CD3E: variants seen among roughly 807,000 people sequenced by gnomAD.
CD3E encodes the protein CD3 epsilon subunit of T-cell receptor complex.
Under a neutral mutation model 34.7 loss-of-function variants are expected in CD3E, and 16 were observed. The observed-to-expected ratio is 0.46, with a 90% CI of 0.31 to 0.70. The LOEUF is 0.70. CD3E is among the 30% of genes least tolerant of loss of function. The probability of loss-of-function intolerance (pLI) is 0.05; values close to 1 mark genes in which losing one functional copy is unlikely to be tolerated. For missense variants in CD3E, 223 were observed against 253.9 expected (o/e 0.88, Z 0.83); for synonymous variants, 70 against 90.8 (o/e 0.77, Z 1.30).
At chr11:118,311,514 C>T (rs1345194595) in intron 4 of CD3E, among the ~76,000 whole-genome samples, 1 of 152,114 alleles carries the variant, frequency 6.6e-6, no homozygotes, top group Non-Finnish European at 1.5e-5. Context: ...AAGAAGCATT[C>T]CCTCAAAACG....
chr11:118,307,311 GA>G lies in CD3E; in HGVS notation c.70+4del, dbSNP rs193922619. 26 of 1,604,888 alleles carry G rather than the reference GA, an allele frequency of 1.6e-5. No homozygotes were observed. The highest frequency in any genetic ancestry group is 2.1e-5 in the Non-Finnish European group (25 of 1,173,752). On this transcript the variant is annotated splice_donor_region_variant and intron_variant, in intron 3 of 8. Transcript: ENST00000361763. ...AGTTGGCGTTTGGGGGCAAGATGGT[GA>G]GATATGCTTTCTTTCTTTCTTTTTT...
intron 4 of CD3E, among the ~76,000 whole-genome samples, chr11:118,310,398 A>C (rs1229708687): frequency 6.6e-6 from 1 of 152,146 alleles, no homozygotes; most frequent in Non-Finnish European, 1.5e-5. Flanking sequence ...TCACTGTGTT[A>C]GTTTGCTAAA....
In CD3E at chr11:118,314,470, A is replaced by C; in HGVS notation, c.543A>C (p.Pro181=). 2 of 1,613,996 alleles carry C rather than the reference A, an allele frequency of 1.2e-6. No individual in the cohort carries two copies. The highest frequency in any genetic ancestry group is 8.5e-7 in the Non-Finnish European group (1 of 1,179,934). ...CAGGACAAAACAAGGAGAGGCCACCACCTGTTCCCAACCCAGACTATGAGG... is the reference window on the plus strand; with the variant it reads ...CAGGACAAAACAAGGAGAGGCCACCCCCTGTTCCCAACCCAGACTATGAGG... ...RQRGQNKERP[P]PVPNPDYEPI... Residue 181 remains proline (P), a synonymous_variant, in exon 8 of 9, where the codon CCA becomes CCC. Transcript: ENST00000361763.
chr11:118,309,576 AAAACAAAC>A (rs56791413), intron 4 of CD3E, among the ~76,000 whole-genome samples: 1 of 151,402 alleles, frequency 6.6e-6, no homozygotes, highest in Non-Finnish European at 1.5e-5. Flanking sequence ...ACTCTGTCTC[AAAACAAAC>A]AAACAAACAA....
chr11:118,311,427 T>C (rs1164686399), intron 4 of CD3E, among the ~76,000 whole-genome samples: 2 of 152,248 alleles, frequency 1.3e-5, no homozygotes, highest in African/African-American at 4.8e-5. Context: ...TCCACACTAA[T>C]AGGCCTCCCT....
chr11:118,307,345 C>A, intron 3 of CD3E, 37 bp downstream of exon 3: 3 of 1,571,726 alleles, frequency 1.9e-6, no homozygotes, highest in South Asian at 2.2e-5. Flanking sequence ...TTTATGAAAT[C>A]ACCCCATCAT....
At chr11:118,306,388 G>A (rs532692723) in intron 2 of CD3E, among the ~76,000 whole-genome samples, 132 of 152,072 alleles carry the variant, frequency 8.7e-4, no homozygotes, top group African/African-American at 3.0e-3. Flanking sequence ...CCAGCTACTT[G>A]GGAGGCTGAG....
rs1948148867 is a variant in CD3E at position 118,313,694 on chromosome 11, C to G, written c.353-13C>G. The stretch of plus-strand genomic sequence containing the variant: ...CTTAGTGATTTCCCCTCTCCCCACC[C>G]CACCCCCCACAGTGTGTGAGAACTG... On this transcript the variant is annotated splice_polypyrimidine_tract_variant and intron_variant, in intron 6 of 8. Transcript: ENST00000361763. 1 of 1,613,464 alleles carries G rather than the reference C, an allele frequency of 6.2e-7. No homozygotes were observed. The highest frequency in any genetic ancestry group is 8.5e-7 in the Non-Finnish European group (1 of 1,179,670).
chr11:118,309,983 TG>T (rs1948127022), intron 4 of CD3E, among the ~76,000 whole-genome samples: 1 of 152,162 alleles, frequency 6.6e-6, no homozygotes, highest in Non-Finnish European at 1.5e-5. Flanking sequence ...ACCCTGTCTC[TG>T]AAAAAATTAA....
chr11:118,315,817 T>C lies in CD3E; in HGVS notation c.*275T>C. 1 of 579,428 alleles carries C rather than the reference T, an allele frequency of 1.7e-6. No homozygotes were observed. The highest frequency in any genetic ancestry group is 3.1e-6 in the Non-Finnish European group (1 of 323,626). The allele number at this position is 579,428 out of a possible 1,614,324, so 35.9% of individuals were successfully genotyped here. ...GCCCTCTTGCCAGGATATTTATTTG[T>C]GCTATTCACTCCCTTCCCTTTGGAT... On this transcript the variant is annotated 3_prime_UTR_variant, in exon 9 of 9. Coordinates refer to ENST00000361763, the MANE Select transcript of CD3E (RefSeq NM_000733.4).
At chr11:118,314,292 GA>G (rs200896472) in intron 7 of CD3E, among the ~76,000 whole-genome samples, 155 bp from the exon 8 acceptor site, 3 of 150,312 alleles carry the variant, frequency 2.0e-5, no homozygotes, top group Non-Finnish European at 4.4e-5. Context: ...ATGAATGAAA[GA>G]AAAAAAAAGA....
intron 6 of CD3E, 103 bp downstream of exon 6, chr11:118,312,969 G>A (rs752160109): frequency 1.5e-5 from 19 of 1,306,818 alleles, no homozygotes; most frequent in Non-Finnish European, 1.8e-5. Context: ...GTGCCCAGGC[G>A]TCTTTGCGCT....
At chr11:118,312,087 T>A in intron 4 of CD3E, 66 bp from the exon 5 acceptor site, 1 of 1,459,580 alleles carries the variant, frequency 6.9e-7, no homozygotes, top group Non-Finnish European at 9.6e-7. Context: ...ACTAGAAAAG[T>A]TTTACCTACA....
Position 118,314,542 on chromosome 11 carries a change from CA to C in CD3E, c.567+49del, listed in dbSNP as rs775405906. ...CAGGACGCTGGAGGGGATGTCCCTC[CA>C]GGGGGGAAGGAAACAGATGGGATGG... On this transcript the variant is annotated intron_variant, in intron 8 of 8. Transcript: ENST00000361763. The C allele has an allele frequency of 2.6e-5, 40 of 1,563,074 alleles. No homozygotes were observed. In the South Asian group the frequency reaches 4.0e-4, roughly 16 times the overall value.
At chr11:118,311,036 T>G (rs1286181514) in intron 4 of CD3E, among the ~76,000 whole-genome samples, 1 of 152,240 alleles carries the variant, frequency 6.6e-6, no homozygotes, top group Non-Finnish European at 1.5e-5. Flanking sequence ...TGTCATTCAC[T>G]TTCACCTTCA....
chr11:118,313,183 C>T (rs540587360), intron 6 of CD3E: 2 of 413,640 alleles, frequency 4.8e-6, no homozygotes, highest in Non-Finnish European at 9.0e-6. Flanking sequence ...TTATCTAATG[C>T]TTCCTCCAGA....
At chr11:118,310,001 G>A (rs2134764250) in intron 4 of CD3E, among the ~76,000 whole-genome samples, 1 of 152,176 alleles carries the variant, frequency 6.6e-6, no homozygotes, top group African/African-American at 2.4e-5. Flanking sequence ...TTAATAAATA[G>A]AAATTTAAAA....
rs142571844 is a variant in CD3E at position 118,313,115 on chromosome 11, A to G, written c.352+249A>G. ...ATCTAAAATAGCAACTCCCTAAGAG[A>G]CAGGACTGGGTCATTTGCACCGCAT... On this transcript the variant is annotated intron_variant, in intron 6 of 8. Coordinates refer to ENST00000361763, the MANE Select transcript of CD3E (RefSeq NM_000733.4). 18 of 539,878 alleles carry G rather than the reference A, an allele frequency of 3.3e-5. No homozygotes were observed. In the East Asian group the frequency reaches 6.2e-4, roughly 19 times the overall value. 33.4% of individuals were successfully genotyped at this position (539,878 alleles called of 1,614,324 possible).
intron 6 of CD3E, 53 bp downstream of exon 6, chr11:118,312,919 A>C (rs778784531): frequency 6.2e-7 from 1 of 1,607,556 alleles, no homozygotes; most frequent in Non-Finnish European, 8.5e-7. Context: ...AGGACCATTC[A>C]AAAGGGCATT....
Sources: allele counts gnomAD v4.1 joint callset (sites outside exome capture counted in the v4.1 genomes callset), GRCh38; gene constraint gnomAD v4.1.1; transcripts MANE v1.5; gene names NCBI Gene and HGNC (gene_info 2026-07-23, HGNC 2026-07-21).